Variants in NUP93 observed in about 807,000 individuals in gnomAD.
The protein encoded by NUP93 is nuclear pore complex protein Nup93.
A neutral mutation model predicts 107.8 loss-of-function variants in NUP93; 55 were observed. The observed-to-expected ratio is 0.51, with a 90% CI of 0.41 to 0.64. The LOEUF is 0.64. Ranked by LOEUF, NUP93 falls within the 30% of genes least tolerant of loss-of-function variation. The pLI is 0.00. For synonymous variants in NUP93, 390 were observed against 397.5 expected (o/e 0.98, Z 0.22); for missense variants, 937 against 1,044.7 (o/e 0.90, Z 1.42).
At chr16:56,840,280 A>G (rs1354039522) in intron 20 of NUP93, among the ~76,000 whole-genome samples, 6 of 152,196 alleles carry the variant, frequency 3.9e-5, no homozygotes, top group Non-Finnish European at 8.8e-5. Context: ...TCGGCCTCCC[A>G]AAATGCTGGG....
chr16:56,750,550 G>A (rs1160855822), intron 2 of NUP93, among the ~76,000 whole-genome samples: 1 of 152,162 alleles, frequency 6.6e-6, no homozygotes, highest in African/African-American at 2.4e-5. Flanking sequence ...TTACGTGTGT[G>A]GTTTGATCTT....
At chr16:56,735,380 A>G (rs1276471169) in intron 1 of NUP93, among the ~76,000 whole-genome samples, 5 of 152,178 alleles carry the variant, frequency 3.3e-5, no homozygotes, top group Non-Finnish European at 7.3e-5. Context: ...TTTGGGAAAA[A>G]TGGCACAGAG....
chr16:56,844,538 G>A lies in NUP93; in HGVS notation c.2389G>A (p.Gly797Arg). ...SQARTLITFA[G>R]MIPYRTSGDT... ...AGCCCGCACTCTGATTACCTTTGCT[G>A]GAATGATACCATACCGAACGTCTGG... Residue 797 changes from glycine (G) to arginine (R), a missense_variant, in exon 22 of 22, where the codon GGA (glycine) becomes AGA (arginine). Physicochemically the swap from Gly to Arg is moderately radical, Grantham distance 125. Transcript: ENST00000308159. 6.4e-7 allele frequency: 1 copy of A among 1,550,756 alleles called. No individual in the cohort carries two copies. Among genetic ancestry groups the A allele is most frequent in the East Asian group, 2.4e-5 (1 of 41,104 alleles).
chr16:56,803,306 A>G (rs1963061398), intron 4 of NUP93, among the ~76,000 whole-genome samples: 1 of 152,092 alleles, frequency 6.6e-6, no homozygotes, highest in South Asian at 2.1e-4. Flanking sequence ...TAAAAGTCTT[A>G]ACACAAAAGT....
intron 3 of NUP93, among the ~76,000 whole-genome samples, chr16:56,767,996 T>C (rs1962244981): frequency 6.6e-6 from 1 of 152,132 alleles, no homozygotes; most frequent in South Asian, 2.1e-4. Context: ...AAAAATGAAT[T>C]ACTAGGAAAA....
chr16:56,768,530 T>A, intron 3 of NUP93, among the ~76,000 whole-genome samples: 1 of 150,134 alleles, frequency 6.7e-6, no homozygotes, highest in East Asian at 2.0e-4. Flanking sequence ...GCCATTGCAC[T>A]CCAGCCTGGG....
At chr16:56,785,732 G>GAGCACT (rs372216763) in intron 3 of NUP93, among the ~76,000 whole-genome samples, 2 of 152,204 alleles carry the variant, frequency 1.3e-5, no homozygotes, top group African/African-American at 4.8e-5. Flanking sequence ...ACACCTTTAG[G>GAGCACT]AGCACTGCCT....
chr16:56,762,550 A>G (rs963559335), intron 3 of NUP93, among the ~76,000 whole-genome samples: 2 of 152,248 alleles, frequency 1.3e-5, no homozygotes, highest in Admixed American at 1.3e-4. Flanking sequence ...CACATGTACA[A>G]CATGAATAAA....
chr16:56,841,794 G>A lies in NUP93; in HGVS notation c.2310G>A (p.Ser770=), dbSNP rs542681313. The A allele has an allele frequency of 1.2e-5, 19 of 1,614,146 alleles. No individual in the cohort carries two copies. The highest frequency in any genetic ancestry group is 1.6e-4 in the Middle Eastern group (1 of 6,062). The change falls in exon 21 of 22, where the codon TCG becomes TCA. Residue 770 remains serine (S), a synonymous_variant. Coordinates refer to ENST00000308159, the MANE Select transcript of NUP93 (RefSeq NM_014669.5). ...FKRLKGTSPS[S]SSRPQRVIED... is the part of the protein sequence containing the mutation. ...GGCTCAAGGGGACAAGTCCATCCTC[G>A]TCATCCAGGCCCCAGCGAGTCATCG...
chr16:56,790,123 AAAAC>A (rs1371982752), intron 3 of NUP93, among the ~76,000 whole-genome samples: 1 of 151,846 alleles, frequency 6.6e-6, no homozygotes, highest in Non-Finnish European at 1.5e-5. Flanking sequence ...AAAACAAAAC[AAAAC>A]AAAAAAACAA....
chr16:56,752,910 G>T (rs561036270), intron 2 of NUP93, among the ~76,000 whole-genome samples: 1 of 152,174 alleles, frequency 6.6e-6, no homozygotes, highest in Non-Finnish European at 1.5e-5. Flanking sequence ...GAAAAGAACA[G>T]TCTTTTCAAC....
chr16:56,834,703 A>G (rs1567411839), intron 15 of NUP93, 31 bp from the exon 16 acceptor site: 1 of 1,593,392 alleles, frequency 6.3e-7, no homozygotes, highest in Non-Finnish European at 8.6e-7. Flanking sequence ...TCTTTGTCCA[A>G]TAATTTGAGT....
chr16:56,841,570 CTG>C (rs1567415257), intron 20 of NUP93, 133 bp from the exon 21 acceptor site: 3 of 1,070,308 alleles, frequency 2.8e-6, no homozygotes, highest in African/African-American at 3.2e-5. Flanking sequence ...TTTTGGGTGA[CTG>C]TGTGGCTCTC....
chr16:56,768,677 T>C (rs1405494761), intron 3 of NUP93, among the ~76,000 whole-genome samples: 8 of 150,606 alleles, frequency 5.3e-5, no homozygotes, highest in South Asian at 2.1e-4. Context: ...CCATCCTGGC[T>C]AACACGGTGA....
intron 3 of NUP93, among the ~76,000 whole-genome samples, chr16:56,777,356 A>AC (rs1173451211): frequency 3.9e-5 from 6 of 152,174 alleles, no homozygotes; most frequent in African/African-American, 1.4e-4. Flanking sequence ...AGTCAGAACC[A>AC]CCACTCTGGG....
At chr16:56,807,904 C>A (rs1362418010) in intron 5 of NUP93, among the ~76,000 whole-genome samples, 1 of 151,204 alleles carries the variant, frequency 6.6e-6, no homozygotes, top group Non-Finnish European at 1.5e-5. Context: ...TGCCTGTAAT[C>A]CCAGCTACTC....
At chr16:56,738,368 T>C (rs1961645890) in intron 1 of NUP93, among the ~76,000 whole-genome samples, 1 of 152,236 alleles carries the variant, frequency 6.6e-6, no homozygotes, top group African/African-American at 2.4e-5. Context: ...CTTTGCTCAT[T>C]GAAGAGGAAA....
At chr16:56,769,832 C>T (rs1224838987) in intron 3 of NUP93, among the ~76,000 whole-genome samples, 1 of 152,198 alleles carries the variant, frequency 6.6e-6, no homozygotes, top group African/African-American at 2.4e-5. Flanking sequence ...TTAATGCAAA[C>T]CCATTTCCTT....
At chr16:56,771,385 G>A (rs748495783) in intron 3 of NUP93, among the ~76,000 whole-genome samples, 18 of 152,156 alleles carry the variant, frequency 1.2e-4, no homozygotes, top group African/African-American at 3.1e-4. Context: ...ATACCTTGTC[G>A]TGTAGTCTTA....
Sources: allele counts gnomAD v4.1 joint callset (sites outside exome capture counted in the v4.1 genomes callset), GRCh38; gene constraint gnomAD v4.1.1; transcripts MANE v1.5; gene names NCBI Gene and HGNC (gene_info 2026-07-23, HGNC 2026-07-21).